The following LRRC63 variants were observed in gnomAD, a reference collection of about 807,000 sequenced individuals.
LRRC63 encodes the protein leucine rich repeat containing 63.
In LRRC63, 40 loss-of-function variants were observed where a neutral mutation model predicts 49.5. The observed-to-expected ratio is 0.81, with a 90% confidence interval of 0.63 to 1.05. The LOEUF is 1.05. Among genes scored for constraint, LRRC63 ranks in the 50% least tolerant of loss-of-function variants. The pLI is 0.00. For synonymous variants in LRRC63, 191 were observed against 221.1 expected, an observed-to-expected ratio of 0.86 and a Z score of 1.21; for missense variants, 636 against 663.1, an observed-to-expected ratio of 0.96 and a Z score of 0.45.
At chr13:46,258,898 CTAAAA>C (rs918246792) in intron 7 of LRRC63, among the ~76,000 whole-genome samples, 2 of 150,132 alleles carry the variant, frequency 1.3e-5, no homozygotes. Flanking sequence ...ACCTAAATTT[CTAAAA>C]TAAAATAAAA....
At chr13:46,260,529 TAGA>T (rs756143675) in intron 7 of LRRC63, among the ~76,000 whole-genome samples, 2 of 152,202 alleles carry the variant, frequency 1.3e-5, no homozygotes, top group Non-Finnish European at 2.9e-5. Context: ...CCGTGCCCTC[TAGA>T]AGCTCATAAT....
chr13:46,271,057 C>T (rs1036519294), intron 9 of LRRC63, among the ~76,000 whole-genome samples: 4 of 152,068 alleles, frequency 2.6e-5, no homozygotes, highest in Non-Finnish European at 5.9e-5. Flanking sequence ...GTACCATAAA[C>T]GAATCAAAAA....
chr13:46,250,321 C>G, intron 6 of LRRC63, 34 bp from the exon 7 acceptor site: 1 of 1,431,644 alleles, frequency 7.0e-7, no homozygotes. Flanking sequence ...CTTTATTATT[C>G]CGCTCATGTT....
chr13:46,258,414 C>G (rs551435627), intron 7 of LRRC63, among the ~76,000 whole-genome samples: 1 of 149,576 alleles, frequency 6.7e-6, no homozygotes, highest in African/African-American at 2.4e-5. Context: ...CAGGCGTGAG[C>G]CCCCGCACCC....
intron 2 of LRRC63, among the ~76,000 whole-genome samples, chr13:46,221,998 T>C (rs983069309): frequency 1.3e-5 from 2 of 152,260 alleles, no homozygotes; most frequent in Non-Finnish European, 2.9e-5. Flanking sequence ...TTTCTTTTTC[T>C]CTGCATCCTC....
chr13:46,274,572 CTG>C (rs1340615166), intron 9 of LRRC63, among the ~76,000 whole-genome samples: 16 of 152,326 alleles, frequency 1.1e-4, no homozygotes, highest in African/African-American at 3.6e-4. Context: ...CTGCCTCTCT[CTG>C]TCTCTCTACC....
At chr13:46,261,836 T>A (rs1243982167) in intron 7 of LRRC63, 73 bp from the exon 8 acceptor site, 2 of 427,986 alleles carry the variant, frequency 4.7e-6, no homozygotes, top group Admixed American at 4.6e-5. Context: ...CCTGCCTACT[T>A]ACTCAAGTAC....
intron 8 of LRRC63, among the ~76,000 whole-genome samples, chr13:46,262,337 T>C (rs2047627048): frequency 6.6e-6 from 1 of 152,174 alleles, no homozygotes; most frequent in Non-Finnish European, 1.5e-5. Context: ...ATAATTTTAA[T>C]GCAAAGCTTC....
exon 3 of LRRC63, chr13:46,228,004 C>T (rs771342569): frequency 9.0e-6 from 14 of 1,550,952 alleles, no homozygotes; most frequent in Middle Eastern, 1.7e-4. Context: ...CAGCACATCT[C>T]GAGAGACTTA....
intron 2 of LRRC63, among the ~76,000 whole-genome samples, chr13:46,223,842 C>G (rs1006501528): frequency 2.0e-5 from 3 of 152,070 alleles, no homozygotes; most frequent in Admixed American, 6.5e-5. Flanking sequence ...GGCAACAGAG[C>G]AAGACCTTGT....
In LRRC63 at chr13:46,265,236, C is replaced by T. The variant is rs563013724; in HGVS notation, c.1311-1497C>T. ...AAGGAGGCAGCTAAACAGGTGTGTC[C>T]TCCGAGGTAAACCAACTCAGGCAGG... On this transcript the variant is annotated intron_variant, in intron 8 of 9. Coordinates refer to ENST00000595396, the Ensembl canonical transcript of LRRC63. Among the ~76,000 whole-genome samples the T allele has an allele frequency of 7.7e-4, 117 of 152,216 alleles. 2 individuals carry two copies. The highest frequency in any genetic ancestry group is 1.0e-3 in the Admixed American group (16 of 15,304).
chr13:46,254,319 G>C (rs1457664968), intron 7 of LRRC63, among the ~76,000 whole-genome samples: 2 of 152,008 alleles, frequency 1.3e-5, no homozygotes, highest in Non-Finnish European at 2.9e-5. Context: ...TTAAAGACTC[G>C]GGCATATTTA....
intron 5 of LRRC63, among the ~76,000 whole-genome samples, chr13:46,240,436 C>T (rs867361962): frequency 2.0e-5 from 3 of 151,960 alleles, no homozygotes; most frequent in African/African-American, 7.2e-5. Flanking sequence ...CAAGGATGCC[C>T]TCTCTCAACA....
chr13:46,269,921 A>ATATATATATATATATATATAT (rs2047733522), intron 9 of LRRC63, among the ~76,000 whole-genome samples: 1 of 149,230 alleles, frequency 6.7e-6, no homozygotes, highest in Non-Finnish European at 1.5e-5. Flanking sequence ...ATATATATAT[A>ATATATATATATATATATATAT]GTAGTCATCC....
At chr13:46,272,490 C>T (rs895290983) in intron 9 of LRRC63, among the ~76,000 whole-genome samples, 9 of 152,158 alleles carry the variant, frequency 5.9e-5, no homozygotes, top group Non-Finnish European at 1.2e-4. Context: ...TGATATTGTG[C>T]TAGCTTTGGA....
rs571063032 is a variant in LRRC63, at chr13:46,217,696, G to A, written c.85+4577G>A. Among the ~76,000 whole-genome samples the A allele has an allele frequency of 1.8e-3, 280 of 152,280 alleles. 1 individual carries two copies. Among genetic ancestry groups the A allele is most frequent in the Admixed American group, 2.5e-3 (39 of 15,300 alleles). ...CTTCTCTAGTTCTTTTAATTGTGAT[G>A]TTAGGGTGTCAATTTTACATCTTTC... is the stretch of plus-strand genomic sequence containing the variant. On this transcript the variant is annotated intron_variant, in intron 2 of 9. Coordinates refer to ENST00000595396, the Ensembl canonical transcript of LRRC63.
At chr13:46,228,316 A>G in intron 3 of LRRC63, 127 bp downstream of exon 3, 3 of 711,200 alleles carry the variant, frequency 4.2e-6, no homozygotes, top group Non-Finnish European at 6.9e-6. Context: ...CACCTTTTAT[A>G]TATACATGTA....
exon 5 of LRRC63, chr13:46,234,315 G>T: frequency 3.9e-6 from 6 of 1,550,216 alleles, no homozygotes; most frequent in Non-Finnish European, 5.2e-6. Context: ...ATAGTAAACT[G>T]TCAAGTATAT....
At chr13:46,225,045 T>A (rs2046529225) in intron 2 of LRRC63, among the ~76,000 whole-genome samples, 1 of 152,208 alleles carries the variant, frequency 6.6e-6, no homozygotes, top group Non-Finnish European at 1.5e-5. Flanking sequence ...GCATGGATGC[T>A]GGTAGTGGCA....
Sources: gnomAD v4.1 joint callset for allele counts (sites outside exome capture counted in the v4.1 genomes callset) on GRCh38, gnomAD v4.1.1 for gene constraint, MANE v1.5 for transcripts, NCBI Gene and HGNC (gene_info 2026-07-23, HGNC 2026-07-21) for gene names.